The following CDKL5 variants were observed in gnomAD, a reference collection of about 807,000 sequenced individuals.
The protein encoded by CDKL5 is cyclin dependent kinase like 5, also known as cyclin-dependent kinase-like 5.
A neutral mutation model predicts 61.7 loss-of-function variants in CDKL5; 8 were observed. The observed-to-expected ratio is 0.13, with a 90% CI of 0.08 to 0.23. The LOEUF is 0.23. CDKL5 is among the 10% of genes least tolerant of loss of function. The pLI is 1.00. For synonymous variants in CDKL5, 275 were observed against 272.3 expected, an observed-to-expected ratio of 1.01 and a Z score of -0.10; for missense variants, 440 against 734.5, an observed-to-expected ratio of 0.60 and a Z score of 4.63.
intron 3 of CDKL5, among the ~76,000 whole-genome samples, chrX:18,563,223 A>G (rs192674739): frequency 2.7e-5 from 3 of 112,007 alleles, no homozygotes; most frequent in South Asian, 3.7e-4. Flanking sequence ...GTTATGCTGT[A>G]GGTAGATTGC....
chrX:18,628,841 G>A lies in CDKL5; in HGVS notation c.*84G>A, dbSNP rs747149897. 5 of 1,083,426 alleles carry A rather than the reference G, an allele frequency of 4.6e-6. No individual in the cohort carries two copies. The highest frequency in any genetic ancestry group is 4.7e-5 in the South Asian group (2 of 42,134). The allele number at this position is 1,083,426 out of a possible 1,213,427, so 89.3% of individuals were successfully genotyped here. ...GTGGGCTGGGCTTGGGGCATGGGCCGGGCCAAGTGGTGAGCCAATATTTTC... is the reference window on the plus strand; with the variant it reads ...GTGGGCTGGGCTTGGGGCATGGGCCAGGCCAAGTGGTGAGCCAATATTTTC... On this transcript the variant is annotated 3_prime_UTR_variant, in exon 18 of 18. Transcript: ENST00000623535.
intron 15 of CDKL5, among the ~76,000 whole-genome samples, chrX:18,619,443 C>T (rs1036699094): frequency 1.8e-5 from 2 of 111,193 alleles, no homozygotes; most frequent in African/African-American, 6.5e-5. Flanking sequence ...CTTGACAAGT[C>T]GCTAATAATA....
intron 4 of CDKL5, among the ~76,000 whole-genome samples, chrX:18,567,265 CTCAA>C (rs948695169): frequency 3.6e-5 from 4 of 111,634 alleles, no homozygotes; most frequent in Non-Finnish European, 5.6e-5. Flanking sequence ...CCATTTAATT[CTCAA>C]TCAGTTTATT....
intron 15 of CDKL5, among the ~76,000 whole-genome samples, chrX:18,618,680 C>T (rs1289190053): frequency 8.9e-6 from 1 of 112,414 alleles, no homozygotes; most frequent in Non-Finnish European, 1.9e-5. Context: ...CATTTAAAGA[C>T]TCTTTTGGCT....
chrX:18,646,092 TAG>T (rs762876344), intron 20 of CDKL5: 5 of 1,211,749 alleles, frequency 4.1e-6, no homozygotes, highest in Non-Finnish European at 5.6e-6. Flanking sequence ...AACAACAAGG[TAG>T]AGTCTGGGCC....
chrX:18,629,660 A>G lies in CDKL5; in HGVS notation c.*903A>G, dbSNP rs929383630. 2 of 754,057 alleles carry G rather than the reference A, an allele frequency of 2.7e-6. No homozygotes were observed. Among genetic ancestry groups the G allele is most frequent in the Non-Finnish European group, 3.1e-6 (2 of 639,336 alleles). The allele number at this position is 754,057 out of a possible 1,213,427, so 62.1% of individuals were successfully genotyped here. A position where few individuals can be genotyped will look rare whatever the true frequency, so the allele number is the denominator to read the frequency against. ...GAGGCCCCAGCAGTAGCCTCTAGAC[A>G]TGATCCTTGGTAGCAGACGAGATGC... On this transcript the variant is annotated 3_prime_UTR_variant, in exon 18 of 18. Transcript: ENST00000623535.
chrX:18,614,377 G>A (rs1016123156), intron 15 of CDKL5, among the ~76,000 whole-genome samples: 2 of 112,254 alleles, frequency 1.8e-5, no homozygotes, highest in African/African-American at 3.2e-5. Context: ...CTTAATGTTC[G>A]TGACTAAGAG....
At chrX:18,446,274 G>A (rs1234771913) in intron 1 of CDKL5, among the ~76,000 whole-genome samples, 1 of 108,546 alleles carries the variant, frequency 9.2e-6, no homozygotes, top group Non-Finnish European at 1.9e-5. Context: ...TTGAACCTGG[G>A]AGGCAGAGGT....
chrX:18,566,185 A>C (rs1242324308), intron 4 of CDKL5, among the ~76,000 whole-genome samples: 1 of 111,720 alleles, frequency 9.0e-6, no homozygotes, highest in Non-Finnish European at 1.9e-5. Context: ...AGGGTCTCAC[A>C]CTGTCACCCA....
At chrX:18,651,194 G>A (rs1265483487) in intron 21 of CDKL5, among the ~76,000 whole-genome samples, 1 of 90,024 alleles carries the variant, frequency 1.1e-5, no homozygotes, top group South Asian at 6.3e-4. Flanking sequence ...GAATGGTTTC[G>A]GCTGTCCTTG....
At position 18,646,084 on chromosome X, in the gene CDKL5, C is replaced by T. The variant is rs2147192703; in HGVS notation, c.2791C>T (p.Gln931Ter). The stretch of plus-strand genomic sequence containing the variant: ...ACGCTTCATGTTAAGGACGACAGAA[C>T]AACAAGGTAGAGTCTGGGCCCCGCA... Residue 931 changes from glutamine (Q) to a stop codon, truncating the protein, a stop_gained, in exon 20 of 22, where the codon CAA becomes TAA. Transcript: ENST00000379989. LOFTEE classifies it high-confidence loss of function. 8.3e-7 allele frequency: 1 copy of T among 1,211,778 alleles called. No homozygotes were observed. The highest frequency in any genetic ancestry group is 2.2e-5 in the Admixed American group (1 of 46,070).
At chrX:18,446,985 G>A (rs916268413) in intron 1 of CDKL5, among the ~76,000 whole-genome samples, 3 of 111,583 alleles carry the variant, frequency 2.7e-5, no homozygotes, top group African/African-American at 6.5e-5. Context: ...TGCTTCTTTG[G>A]CAGTCTTTTC....
At chrX:18,470,901 G>C (rs1445503623) in intron 1 of CDKL5, among the ~76,000 whole-genome samples, 2 of 112,139 alleles carry the variant, frequency 1.8e-5, no homozygotes, top group Non-Finnish European at 3.8e-5. Flanking sequence ...CTGTTGGTCA[G>C]ATCAGAAGAA....
At position 18,609,765 on chromosome X, in the gene CDKL5, G is replaced by A. The variant is rs373744056; in HGVS notation, c.2152+195G>A. ...GGCCTCCTTAGGTAGCCTCTTAACT[G>A]GTCTCCCTATCTCCAAGGTACCCAT... On this transcript the variant is annotated intron_variant, in intron 14 of 17. Coordinates refer to ENST00000623535, the MANE Select transcript of CDKL5 (RefSeq NM_001323289.2). Among the ~76,000 whole-genome samples the A allele has an allele frequency of 3.4e-3, 384 of 111,526 alleles. 1 individual carries two copies. Among genetic ancestry groups the A allele is most frequent in the African/African-American group, 0.012 (368 of 30,636 alleles).
In CDKL5 at chrX:18,584,313, G is replaced by A. The variant is rs797044858; in HGVS notation, c.514G>A (p.Val172Ile). The A allele has an allele frequency of 8.3e-7, 1 of 1,205,025 alleles. No homozygotes were observed. Among genetic ancestry groups the A allele is most frequent in the Non-Finnish European group, 1.1e-6 (1 of 889,510 alleles). The change falls in exon 8 of 18, where the codon GTT becomes ATT. Residue 172 changes from valine (V) to isoleucine (I), a missense_variant. Physicochemically the swap from Val to Ile is conservative, Grantham distance 29. Around this residue, in one of 2 missense-constraint regions of CDKL5, gnomAD observed 77 missense variants for 218.2 expected, o/e 0.35. Coordinates refer to ENST00000623535, the MANE Select transcript of CDKL5 (RefSeq NM_001323289.2). ...CAATAATGCTAATTACACAGAGTACGTTGCCACCAGATGGTATCGGTCCCC... is the reference window on the plus strand; with the variant it reads ...CAATAATGCTAATTACACAGAGTACATTGCCACCAGATGGTATCGGTCCCC... ...EGNNANYTEYVATRWYRSPEL... is the reference protein window; with the variant it reads ...EGNNANYTEYIATRWYRSPEL...
chrX:18,571,320 T>G (rs760880685), intron 4 of CDKL5, among the ~76,000 whole-genome samples: 1 of 111,594 alleles, frequency 9.0e-6, no homozygotes, highest in South Asian at 3.8e-4. Context: ...TATGCCACCT[T>G]TGTGCCTGTG....
intron 3 of CDKL5, among the ~76,000 whole-genome samples, chrX:18,522,335 CTTTTTTTTT>C (rs369618121): frequency 1.6e-4 from 6 of 37,530 alleles, no homozygotes; most frequent in Admixed American, 9.9e-4. Flanking sequence ...CAGGCTGGAG[CTTTTTTTTT>C]TTTTTTTTTT....
At chrX:18,503,344 C>A (rs910540840) in intron 1 of CDKL5, among the ~76,000 whole-genome samples, 1 of 111,625 alleles carries the variant, frequency 9.0e-6, no homozygotes, top group Non-Finnish European at 1.9e-5. Context: ...CTGCCACATG[C>A]AGCTAATTTT....
chrX:18,511,362 C>G (rs1922820539), intron 3 of CDKL5, among the ~76,000 whole-genome samples: 1 of 110,045 alleles, frequency 9.1e-6, no homozygotes, highest in Admixed American at 9.8e-5. Flanking sequence ...TTGGGTAGTC[C>G]TTAGTTCTTA....
Sources: allele counts gnomAD v4.1 joint callset (sites outside exome capture counted in the v4.1 genomes callset), GRCh38; gene constraint gnomAD v4.1.1; regional missense constraint gnomAD v4.1.1; transcripts MANE v1.5; gene names NCBI Gene and HGNC (gene_info 2026-07-23, HGNC 2026-07-21).